Variants in ANKRD55 observed in about 807,000 individuals in gnomAD.
ANKRD55 encodes the protein ankyrin repeat domain 55.
ANKRD55 carries 41 observed loss-of-function variants against 60.6 expected under a neutral mutation model. The ratio of observed to expected loss-of-function variants is 0.68; its 90% CI spans 0.53 to 0.88. The LOEUF is 0.88. ANKRD55 is among the 40% of genes least tolerant of loss of function. The pLI, the probability that ANKRD55 is intolerant of heterozygous loss-of-function variation, is 0.00. For synonymous variants in ANKRD55, 264 were observed against 290.3 expected, an observed-to-expected ratio of 0.91 and a Z score of 0.92; for missense variants, 732 against 767.6, an observed-to-expected ratio of 0.95 and a Z score of 0.55.
intron 2 of ANKRD55, among the ~76,000 whole-genome samples, chr5:56,201,495 G>T (rs1759379352): frequency 6.6e-6 from 1 of 152,194 alleles, no homozygotes; most frequent in South Asian, 2.1e-4. Context: ...AAAATGGTAA[G>T]AGCACAAGCT....
chr5:56,164,662 C>G (rs879337927), intron 5 of ANKRD55, among the ~76,000 whole-genome samples: 1 of 152,156 alleles, frequency 6.6e-6, no homozygotes, highest in South Asian at 2.1e-4. Context: ...CAACTCTGTT[C>G]TCTTTGGAGC....
intron 10 of ANKRD55, among the ~76,000 whole-genome samples, chr5:56,106,419 G>GTTTTTTTTTTTTTTTT (rs1561248216): frequency 8.4e-5 from 9 of 106,862 alleles, no homozygotes; most frequent in African/African-American, 2.2e-4. Flanking sequence ...GGCTAGGAAA[G>GTTTTTTTTTTTTTTTT]CTTTTTTTTT....
chr5:56,214,648 T>G (rs1222513289), intron 2 of ANKRD55, among the ~76,000 whole-genome samples: 1 of 152,230 alleles, frequency 6.6e-6, no homozygotes, highest in Non-Finnish European at 1.5e-5. Context: ...ACTGTACCAC[T>G]GCTAATCCCT....
chr5:56,163,393 C>T (rs183501961), intron 5 of ANKRD55, among the ~76,000 whole-genome samples: 61 of 152,262 alleles, frequency 4.0e-4, no homozygotes, highest in East Asian at 1.3e-3. Flanking sequence ...ATTTGCAGCC[C>T]TCTGTTGTGC....
chr5:56,205,186 G>A (rs1759471191), intron 2 of ANKRD55, among the ~76,000 whole-genome samples: 1 of 152,062 alleles, frequency 6.6e-6, no homozygotes, highest in Non-Finnish European at 1.5e-5. Flanking sequence ...TCAGCCTCCT[G>A]AGTAGTTGGG....
At chr5:56,230,027 C>A (rs1292862490) in intron 2 of ANKRD55, among the ~76,000 whole-genome samples, 3 of 152,112 alleles carry the variant, frequency 2.0e-5, no homozygotes, top group East Asian at 1.9e-4. Context: ...TTGGGCCAAC[C>A]ACTGCAGTTA....
At chr5:56,198,855 G>A (rs1158002092) in intron 2 of ANKRD55, among the ~76,000 whole-genome samples, 17 of 151,864 alleles carry the variant, frequency 1.1e-4, no homozygotes, top group Admixed American at 2.0e-4. Flanking sequence ...CGAGGCAGGC[G>A]GATCACGAGG....
chr5:56,205,902 C>T (rs1482752367), intron 2 of ANKRD55, among the ~76,000 whole-genome samples: 1 of 152,040 alleles, frequency 6.6e-6, no homozygotes, highest in African/African-American at 2.4e-5. Context: ...CAGCTGGTCT[C>T]CCAGGGGTGC....
chr5:56,167,377 TA>T (rs894264720), intron 5 of ANKRD55, among the ~76,000 whole-genome samples: 3 of 152,206 alleles, frequency 2.0e-5, no homozygotes, highest in African/African-American at 7.2e-5. Context: ...AAAGGTACAG[TA>T]AAAATATGAT....
chr5:56,217,319 T>C (rs1279388707), intron 2 of ANKRD55, among the ~76,000 whole-genome samples: 2 of 152,214 alleles, frequency 1.3e-5, no homozygotes, highest in African/African-American at 4.8e-5. Context: ...AAATGAATCA[T>C]TTTTTCTAAG....
At chr5:56,101,133 T>C (rs1036776450) in intron 11 of ANKRD55, among the ~76,000 whole-genome samples, 3 of 152,226 alleles carry the variant, frequency 2.0e-5, no homozygotes, top group Non-Finnish European at 4.4e-5. Flanking sequence ...TCATTGTTTT[T>C]ACCTAAAGAG....
intron 8 of ANKRD55, among the ~76,000 whole-genome samples, chr5:56,126,095 C>CT (rs1368129792): frequency 6.6e-6 from 1 of 152,028 alleles, no homozygotes; most frequent in African/African-American, 2.4e-5. Flanking sequence ...GGTTGCACCA[C>CT]TGCACTCCAG....
intron 2 of ANKRD55, among the ~76,000 whole-genome samples, chr5:56,191,959 G>A (rs556213426): frequency 1.1e-4 from 16 of 152,288 alleles, no homozygotes; most frequent in Admixed American, 9.2e-4. Flanking sequence ...GAAATAACAA[G>A]TACAAAGAAA....
At chr5:56,207,023 C>T (rs370172008) in intron 2 of ANKRD55, among the ~76,000 whole-genome samples, 3 of 152,166 alleles carry the variant, frequency 2.0e-5, no homozygotes, top group Non-Finnish European at 2.9e-5. Context: ...CTGAAAGTCT[C>T]GAAGATGCTG....
Position 56,173,568 on chromosome 5 carries a change from CTCTCTCTCTCTCTCTATATA to C in ANKRD55, c.312+2564_312+2583del, listed in dbSNP as rs1294077681. Reference sequence around the variant, plus strand: ...TCTCTCTCTCTCTCTCTCTCTCTCTCTCTCTCTCTCTCTCTATATATATATATATATATATATATCTTGGC... The same window carrying C: ...TCTCTCTCTCTCTCTCTCTCTCTCTCTATATATATATATATATATCTTGGC... On this transcript the variant is annotated intron_variant, in intron 4 of 11. Transcript: ENST00000341048. Among the ~76,000 whole-genome samples the C allele has an allele frequency of 2.7e-5, 3 of 112,884 alleles. No individual in the cohort carries two copies. The East Asian group carries it at 7.8e-4, about 29-fold the overall frequency. The allele number at this position is 112,884 out of a possible 152,430, so 74.1% of individuals were successfully genotyped here.
intron 4 of ANKRD55, among the ~76,000 whole-genome samples, chr5:56,172,387 A>T (rs1432485059): frequency 6.6e-6 from 1 of 152,196 alleles, no homozygotes; most frequent in East Asian, 1.9e-4. Context: ...TAATGTCTAA[A>T]TCATCAAGTT....
At chr5:56,156,356 A>T (rs1377441345) in intron 6 of ANKRD55, among the ~76,000 whole-genome samples, 2 of 152,194 alleles carry the variant, frequency 1.3e-5, no homozygotes, top group Admixed American at 1.3e-4. Flanking sequence ...GGAACCAGGG[A>T]CTTTTCCAAT....
At chr5:56,214,140 A>G (rs967081282) in intron 2 of ANKRD55, among the ~76,000 whole-genome samples, 11 of 152,230 alleles carry the variant, frequency 7.2e-5, no homozygotes, top group African/African-American at 2.7e-4. Context: ...AACCACCCCC[A>G]TGATTCAATT....
intron 2 of ANKRD55, among the ~76,000 whole-genome samples, chr5:56,210,475 A>T (rs969572220): frequency 1.2e-4 from 18 of 147,832 alleles, no homozygotes; most frequent in Admixed American, 2.1e-4. Context: ...GGCAGGAGAA[A>T]GGCGTGAACC....
Sources: gnomAD v4.1 joint callset for allele counts (sites outside exome capture counted in the v4.1 genomes callset) on GRCh38, gnomAD v4.1.1 for gene constraint, MANE v1.5 for transcripts, NCBI Gene and HGNC (gene_info 2026-07-23, HGNC 2026-07-21) for gene names.